CYRIB: variants seen among roughly 807,000 people sequenced by gnomAD.
The protein encoded by CYRIB is CYFIP-related Rac1 interactor B.
In CYRIB, 8 loss-of-function variants were observed where a neutral mutation model predicts 44.2. The observed-to-expected ratio is 0.18, with a 90% CI of 0.11 to 0.33. The LOEUF (loss-of-function observed/expected upper bound fraction) is 0.33, where lower values mean the gene tolerates loss of function less well. Among genes scored for constraint, CYRIB ranks in the 10% least tolerant of loss-of-function variants. CYRIB has a pLI of 1.00. For synonymous variants in CYRIB, 131 were observed against 127.2 expected, an observed-to-expected ratio of 1.03 and a Z score of -0.20; for missense variants, 185 against 382.8, an observed-to-expected ratio of 0.48 and a Z score of 4.31.
At chr8:129,954,243 C>T (rs2094663255) in intron 2 of CYRIB, among the ~76,000 whole-genome samples, 1 of 151,710 alleles carries the variant, frequency 6.6e-6, no homozygotes, top group Non-Finnish European at 1.5e-5. Context: ...TTTTTTTTGA[C>T]ACAGACTCTC....
chr8:129,954,410 A>G (rs2094675805), intron 2 of CYRIB, among the ~76,000 whole-genome samples: 2 of 152,048 alleles, frequency 1.3e-5, no homozygotes, highest in South Asian at 2.1e-4. Flanking sequence ...TTTAGTAGAG[A>G]TGGGGTTTCA....
chr8:129,986,660 A>G (rs1033291652), intron 1 of CYRIB, among the ~76,000 whole-genome samples: 4 of 152,128 alleles, frequency 2.6e-5, no homozygotes, highest in Non-Finnish European at 4.4e-5. Flanking sequence ...AGCCTCGGGA[A>G]TTTGCACAGA....
At chr8:129,874,357 T>TG (rs1034145279) in intron 3 of CYRIB, among the ~76,000 whole-genome samples, 1 of 151,904 alleles carries the variant, frequency 6.6e-6, no homozygotes, top group Non-Finnish European at 1.5e-5. Flanking sequence ...TCTTATAGGG[T>TG]GGAGGGTAGA....
chr8:130,010,230 G>A (rs543319649), intron 1 of CYRIB, among the ~76,000 whole-genome samples: 3 of 152,212 alleles, frequency 2.0e-5, no homozygotes, highest in Non-Finnish European at 2.9e-5. Context: ...CCTGATGAAC[G>A]AAGGTCAAGG....
intron 10 of CYRIB, among the ~76,000 whole-genome samples, chr8:129,848,544 C>A (rs2041556650): frequency 6.6e-6 from 1 of 152,124 alleles, no homozygotes; most frequent in Non-Finnish European, 1.5e-5. Flanking sequence ...ATAAAGTCTT[C>A]ATCTTTTTCC....
At chr8:129,997,072 GGGAGGGAGGGAGGGAA>G in intron 1 of CYRIB, among the ~76,000 whole-genome samples, 1 of 143,114 alleles carries the variant, frequency 7.0e-6, no homozygotes, top group Non-Finnish European at 1.5e-5. Context: ...GAGGGAGGGA[GGGAGGGAGGGAGGGAA>G]GGAGGGAGGG....
intron 1 of CYRIB, among the ~76,000 whole-genome samples, chr8:130,003,222 A>T (rs2096949302): frequency 6.6e-6 from 1 of 152,240 alleles, no homozygotes; most frequent in Non-Finnish European, 1.5e-5. Flanking sequence ...TGTCTTAACA[A>T]CAACAACAAC....
At chr8:129,879,961 T>C (rs546125923) in intron 2 of CYRIB, among the ~76,000 whole-genome samples, 19 of 152,318 alleles carry the variant, frequency 1.2e-4, no homozygotes, top group African/African-American at 4.3e-4. Flanking sequence ...CAATAAAGCA[T>C]ATATTTCTAA....
chr8:129,951,674 C>A (rs1314058429), intron 2 of CYRIB, among the ~76,000 whole-genome samples: 1 of 151,288 alleles, frequency 6.6e-6, no homozygotes, highest in African/African-American at 2.4e-5. Context: ...CCACTGCACT[C>A]CAGCCTGGGT....
intron 11 of CYRIB, among the ~76,000 whole-genome samples, chr8:129,845,729 GTAATT>G (rs1378140555): frequency 6.6e-6 from 1 of 152,078 alleles, no homozygotes; most frequent in African/African-American, 2.4e-5. Context: ...CTGTGTTCAT[GTAATT>G]TTTGTGTTTA....
intron 2 of CYRIB, among the ~76,000 whole-genome samples, chr8:129,891,685 C>T (rs1444353463): frequency 1.3e-5 from 2 of 152,192 alleles, no homozygotes; most frequent in Admixed American, 6.5e-5. Flanking sequence ...AATTGGGAGA[C>T]TTGATTTCTA....
chr8:129,855,535 T>G (rs534770902), intron 6 of CYRIB, 76 bp downstream of exon 8: 25 of 1,458,050 alleles, frequency 1.7e-5, no homozygotes, highest in Non-Finnish European at 2.3e-5. Context: ...TTAACAATGT[T>G]TCCCGGCTCT....
At chr8:130,001,047 AC>A (rs1288140919) in intron 1 of CYRIB, among the ~76,000 whole-genome samples, 1 of 151,944 alleles carries the variant, frequency 6.6e-6, no homozygotes, top group Non-Finnish European at 1.5e-5. Context: ...TTGAATCCGA[AC>A]CCTTCCAAAA....
rs867871837 is a variant in CYRIB at position 130,006,629 on chromosome 8, C to T, written c.-296+9741G>A. 3.0e-3 allele frequency among the ~76,000 whole-genome samples: 70 copies of T among 23,152 alleles called. 2 individuals carry two copies. Among genetic ancestry groups the T allele is most frequent in the African/African-American group, 0.016 (23 of 1,410 alleles). The allele number at this position is 23,152 out of a possible 152,430, so 15.2% of individuals were successfully genotyped here. Reference sequence around the variant, plus strand: ...ATACATATATATGTGTATATATATACATATATATGTGTATATATATACATA... The same window carrying T: ...ATACATATATATGTGTATATATATATATATATATGTGTATATATATACATA... On this transcript the variant is annotated intron_variant, in intron 1 of 14. Transcript: ENST00000401979.
chr8:130,003,979 T>C (rs1381255176), intron 1 of CYRIB, among the ~76,000 whole-genome samples: 2 of 152,182 alleles, frequency 1.3e-5, no homozygotes, highest in African/African-American at 2.4e-5. Context: ...GGCCTAATTC[T>C]AGGGGCTGCG....
chr8:129,937,426 C>T (rs1001159635), intron 1 of CYRIB, among the ~76,000 whole-genome samples: 2 of 152,206 alleles, frequency 1.3e-5, no homozygotes, highest in Non-Finnish European at 2.9e-5. Flanking sequence ...CTATACTTCT[C>T]CATCAATTGT....
intron 1 of CYRIB, among the ~76,000 whole-genome samples, chr8:130,014,066 ACTCT>A (rs1398303478): frequency 1.3e-5 from 2 of 152,024 alleles, no homozygotes; most frequent in Non-Finnish European, 2.9e-5. Flanking sequence ...CAAGTCCTGC[ACTCT>A]CTCTAAGTCT....
chr8:129,894,034 T>C (rs1203033233), intron 2 of CYRIB, among the ~76,000 whole-genome samples: 2 of 152,228 alleles, frequency 1.3e-5, no homozygotes, highest in African/African-American at 2.4e-5. Context: ...AGCTATTACA[T>C]ACTATTGGAT....
At chr8:129,875,721 T>TG (rs1329153682) in intron 3 of CYRIB, among the ~76,000 whole-genome samples, 2 of 152,254 alleles carry the variant, frequency 1.3e-5, no homozygotes, top group Non-Finnish European at 2.9e-5. Context: ...TTAAGGTCTC[T>TG]GTCCATGTTG....
Sources: allele counts gnomAD v4.1 joint callset (sites outside exome capture counted in the v4.1 genomes callset), GRCh38; gene constraint gnomAD v4.1.1; transcripts MANE v1.5; gene names NCBI Gene and HGNC (gene_info 2026-07-23, HGNC 2026-07-21).